The following SYCP2 variants were observed in gnomAD, a reference collection of about 807,000 sequenced individuals.
SYCP2 encodes the protein synaptonemal complex protein 2.
SYCP2 carries 55 observed loss-of-function variants against 211.3 expected under a neutral mutation model. That is an observed-to-expected ratio of 0.26 (90% CI 0.21 to 0.33). The LOEUF (loss-of-function observed/expected upper bound fraction) is 0.33. Among genes scored for constraint, SYCP2 ranks in the 10% least tolerant of loss-of-function variants. The pLI is 1.00. For missense variants in SYCP2, 1,731 were observed against 1,752.0 expected (o/e 0.99, Z 0.21); for synonymous variants, 570 against 555.2 (o/e 1.03, Z -0.37).
Position 59,882,190 on chromosome 20 carries a change from C to T in SYCP2, c.2530-25G>A, listed in dbSNP as rs1568926148. On this transcript the variant is annotated intron_variant, in intron 26 of 44. Coordinates refer to ENST00000357552, the MANE Select transcript of SYCP2 (RefSeq NM_014258.4). The stretch of plus-strand genomic sequence containing the variant: ...CCTGAAAAGAGGGTTATAAAAAAAT[C>T]ATTAAATGGCTAACAGGTATATGAA... 4 of 1,533,024 alleles carry T rather than the reference C, an allele frequency of 2.6e-6. No individual in the cohort carries two copies. In the Admixed American group the frequency reaches 6.8e-5, roughly 26 times the overall value. 95.0% of individuals were successfully genotyped at this position (1,533,024 alleles called of 1,614,324 possible).
At chr20:59,923,609 G>A (rs991326484) in intron 2 of SYCP2, among the ~76,000 whole-genome samples, 15 of 151,766 alleles carry the variant, frequency 9.9e-5, no homozygotes, top group South Asian at 8.3e-4. Flanking sequence ...AGGCTGGGGT[G>A]AGAAATTGCT....
chr20:59,886,600 G>T, intron 25 of SYCP2, 107 bp downstream of exon 25: 1 of 789,488 alleles, frequency 1.3e-6, no homozygotes, highest in Admixed American at 3.3e-5. Context: ...GTTTTCTACT[G>T]AAAAGTTACA....
intron 7 of SYCP2, among the ~76,000 whole-genome samples, chr20:59,917,673 G>T (rs1218416883): frequency 6.6e-6 from 1 of 151,940 alleles, no homozygotes; most frequent in Non-Finnish European, 1.5e-5. Context: ...AAGACAACAA[G>T]TACCTTTATT....
intron 5 of SYCP2, 132 bp from the exon 6 acceptor site, chr20:59,919,729 A>G (rs1356826468): frequency 7.9e-6 from 4 of 506,080 alleles, no homozygotes; most frequent in African/African-American, 2.0e-5. Context: ...GTATCAAAAT[A>G]AATTCATGTT....
intron 24 of SYCP2, among the ~76,000 whole-genome samples, chr20:59,887,875 A>G (rs937050105): frequency 6.6e-6 from 1 of 152,050 alleles, no homozygotes; most frequent in South Asian, 2.1e-4. Context: ...TAGACATAAA[A>G]ATAAGTCAAT....
chr20:59,887,006 AT>A (rs548265002), intron 24 of SYCP2, among the ~76,000 whole-genome samples, 172 bp from the exon 25 acceptor site: 13 of 151,144 alleles, frequency 8.6e-5, no homozygotes, highest in South Asian at 2.1e-4. Flanking sequence ...AAATAAGATA[AT>A]TTTTTTTATT....
chr20:59,886,568 T>C (rs908661847), intron 25 of SYCP2, 139 bp downstream of exon 25: 4 of 554,376 alleles, frequency 7.2e-6, no homozygotes, highest in Non-Finnish European at 8.7e-6. Flanking sequence ...CTACTATTTA[T>C]AAAAGTATTA....
chr20:59,885,696 A>C (rs1286095639), intron 26 of SYCP2, among the ~76,000 whole-genome samples: 1 of 152,174 alleles, frequency 6.6e-6, no homozygotes, highest in Non-Finnish European at 1.5e-5. Context: ...CATATACCAA[A>C]AAGTAAAAAT....
chr20:59,933,513 C>T (rs2060813934), intron 1 of SYCP2, 56 bp downstream of exon 1: 1 of 152,170 alleles, frequency 6.6e-6, no homozygotes, highest in South Asian at 2.1e-4. Flanking sequence ...GAAGCCCCAC[C>T]CTCCCTCCGC....
At chr20:59,881,600 C>A in intron 28 of SYCP2, 108 bp from the exon 29 acceptor site, 1 of 560,790 alleles carries the variant, frequency 1.8e-6, no homozygotes, top group Non-Finnish European at 3.0e-6. Flanking sequence ...TAAGATTTGA[C>A]ATAAAATTAA....
At chr20:59,916,653 A>G in intron 7 of SYCP2, 82 bp from the exon 8 acceptor site, 1 of 952,640 alleles carries the variant, frequency 1.0e-6, no homozygotes. Flanking sequence ...GAGTTAGTGG[A>G]AAGGGGCCAG....
chr20:59,897,134 A>G (rs1350671636), intron 18 of SYCP2, among the ~76,000 whole-genome samples: 1 of 152,130 alleles, frequency 6.6e-6, no homozygotes, highest in Non-Finnish European at 1.5e-5. Context: ...AGGGACTACA[A>G]GAGACAGGAG....
intron 22 of SYCP2, 38 bp downstream of exon 22, chr20:59,893,104 G>C: frequency 7.1e-7 from 1 of 1,408,610 alleles, no homozygotes; most frequent in Non-Finnish European, 9.9e-7. Context: ...AACAGCATTA[G>C]TATAGACTAA....
intron 24 of SYCP2, among the ~76,000 whole-genome samples, chr20:59,890,137 TTAGAACCAACCCAAATGCCCATCAATGA>T (rs2059876255): frequency 2.0e-5 from 3 of 152,048 alleles, no homozygotes; most frequent in African/African-American, 7.2e-5. Context: ...TAGCAAAGAC[TTAGAACCAACCCAAATGCCCATCAATGA>T]TAGACTGGAT....
rs768591555 is a variant in SYCP2, at chr20:59,865,383, C to T, written c.4515+5G>A. On this transcript the variant is annotated splice_donor_5th_base_variant and intron_variant, in intron 44 of 44. Transcript: ENST00000357552. ...TTATCCCATTTTCAAACTTAGTTGACTTACCATGTCCTTAAGAAGCCTGTC... is the reference window on the plus strand; with the variant it reads ...TTATCCCATTTTCAAACTTAGTTGATTTACCATGTCCTTAAGAAGCCTGTC... 7.5e-6 allele frequency: 12 copies of T among 1,602,876 alleles called. No individual in the cohort carries two copies. The highest frequency in any genetic ancestry group is 4.0e-5 in the African/African-American group (3 of 74,216).
At chr20:59,919,652 C>G in intron 5 of SYCP2, 55 bp from the exon 6 acceptor site, 1 of 1,120,858 alleles carries the variant, frequency 8.9e-7, no homozygotes, top group Non-Finnish European at 1.3e-6. Flanking sequence ...TAAGAATGTA[C>G]TTATCTATCT....
intron 1 of SYCP2, chr20:59,933,244 C>A (rs1568999607): frequency 6.6e-6 from 1 of 151,860 alleles, no homozygotes; most frequent in African/African-American, 2.4e-5. Context: ...GACCGAGTCG[C>A]CCACGCGCGG....
chr20:59,880,614 A>T (rs2059659812), intron 30 of SYCP2, 143 bp from the exon 31 acceptor site: 1 of 569,560 alleles, frequency 1.8e-6, no homozygotes, highest in African/African-American at 1.9e-5. Flanking sequence ...TAACATCCTA[A>T]TTTAGGATGG....
At chr20:59,867,105 C>CGGGGGGGGGGGGGGGG (rs373444865) in intron 39 of SYCP2, among the ~76,000 whole-genome samples, 1 of 3,466 alleles carries the variant, frequency 2.9e-4, no homozygotes, top group African/African-American at 5.9e-4. Context: ...AGACTGGGGG[C>CGGGGGGGGGGGGGGGG]GGGGGGGGGG....
Sources: allele counts gnomAD v4.1 joint callset (sites outside exome capture counted in the v4.1 genomes callset), GRCh38; gene constraint gnomAD v4.1.1; transcripts MANE v1.5; gene names NCBI Gene and HGNC (gene_info 2026-07-23, HGNC 2026-07-21).